PLPP1: variants seen among roughly 807,000 people sequenced by gnomAD.
The protein encoded by PLPP1 is phospholipid phosphatase 1.
In PLPP1, 24 loss-of-function variants were observed where a neutral mutation model predicts 31.2. The ratio of observed to expected loss-of-function variants is 0.77; its 90% confidence interval spans 0.56 to 1.08. The LOEUF is 1.08. Ranked by LOEUF, PLPP1 falls within the 50% of genes least tolerant of loss-of-function variation. The pLI is 0.00. For missense variants in PLPP1, 319 were observed against 342.7 expected (o/e 0.93, Z 0.55); for synonymous variants, 146 against 126.3 (o/e 1.16, Z -1.05).
At chr5:55,498,702 CAA>C (rs546216139) in intron 1 of PLPP1, among the ~76,000 whole-genome samples, 11 of 110,600 alleles carry the variant, frequency 9.9e-5, no homozygotes, top group South Asian at 2.9e-4. Context: ...CAAGAAGGGA[CAA>C]AAAAAAAAAA....
rs1740818554 is a variant in PLPP1 at position 55,534,618 on chromosome 5, C to G, written c.12G>C (p.Lys4Asn). Residue 4 changes from lysine to asparagine, a missense_variant, in exon 1 of 6, where the codon AAG becomes AAC. By Grantham distance (94) the Lys-to-Asn change is moderately conservative. Coordinates refer to ENST00000307259, the MANE Select transcript of PLPP1 (RefSeq NM_003711.4). MFDKTRLPYVALDV... is the reference protein window; with the variant it reads MFDNTRLPYVALDV... ...CGAGGGCCACGTACGGCAGCCGCGT[C>G]TTGTCAAACATGGTCTCTGCCCGGG... 1 of 1,558,428 alleles carries G rather than the reference C, an allele frequency of 6.4e-7. No individual in the cohort carries two copies. The highest frequency in any genetic ancestry group is 2.4e-5 in the East Asian group (1 of 40,840).
At chr5:55,453,652 G>C (rs76075880) in intron 3 of PLPP1, among the ~76,000 whole-genome samples, 1,704 of 152,152 alleles carry the variant, frequency 0.011, 23 homozygotes, top group African/African-American at 0.039. Context: ...TAAAATTCAA[G>C]TCTTAGGCCG....
intron 1 of PLPP1, among the ~76,000 whole-genome samples, chr5:55,497,140 C>G (rs1361103423): frequency 6.6e-6 from 1 of 152,180 alleles, no homozygotes; most frequent in Non-Finnish European, 1.5e-5. Flanking sequence ...TGTCCATCCC[C>G]TCCTTATTCA....
chr5:55,463,061 C>G (rs1440623666), intron 3 of PLPP1, among the ~76,000 whole-genome samples: 1 of 152,124 alleles, frequency 6.6e-6, no homozygotes, highest in Non-Finnish European at 1.5e-5. Context: ...TGGAAACCAT[C>G]ATTCTCAGCA....
At chr5:55,515,621 ACT>A (rs1002652045) in intron 1 of PLPP1, among the ~76,000 whole-genome samples, 8 of 151,950 alleles carry the variant, frequency 5.3e-5, no homozygotes, top group African/African-American at 1.9e-4. Flanking sequence ...CCCAATGGAC[ACT>A]CTCCAGTCTT....
chr5:55,473,095 T>C (rs1752457177), intron 2 of PLPP1, among the ~76,000 whole-genome samples: 1 of 152,216 alleles, frequency 6.6e-6, no homozygotes, highest in Non-Finnish European at 1.5e-5. Context: ...CTACTAAAAA[T>C]GTTATATTTA....
At position 55,446,377 on chromosome 5, in the gene PLPP1, ATATG is replaced by A. The variant is rs552303572; in HGVS notation, c.492-4473_492-4470del. On this transcript the variant is annotated intron_variant, in intron 3 of 5. Coordinates refer to ENST00000307259, the MANE Select transcript of PLPP1 (RefSeq NM_003711.4). ...TACACTGTAAATTTTAAATTACCAT[ATATG>A]TATCATTTACAAATCCCTTTGGTTC... Among the ~76,000 whole-genome samples, 185 of 152,318 alleles carry A rather than the reference ATATG, an allele frequency of 1.2e-3. 1 individual carries two copies. The highest frequency in any genetic ancestry group is 7.7e-3 in the Admixed American group (118 of 15,302).
chr5:55,508,661 G>A (rs539099803), intron 1 of PLPP1, among the ~76,000 whole-genome samples: 14 of 152,172 alleles, frequency 9.2e-5, no homozygotes, highest in East Asian at 5.8e-4. Flanking sequence ...TACCAGCATC[G>A]GCCACTCAGA....
At chr5:55,457,086 G>A (rs1389657091) in intron 3 of PLPP1, among the ~76,000 whole-genome samples, 1 of 151,664 alleles carries the variant, frequency 6.6e-6, no homozygotes, top group African/African-American at 2.4e-5. Flanking sequence ...CTTGAGCTTG[G>A]GAGGCAGAGG....
intron 3 of PLPP1, among the ~76,000 whole-genome samples, chr5:55,463,917 T>C (rs993463252): frequency 3.3e-5 from 5 of 151,764 alleles, no homozygotes; most frequent in Admixed American, 3.3e-4. Flanking sequence ...TCAGAATATA[T>C]AAAGAACTCT....
intron 1 of PLPP1, among the ~76,000 whole-genome samples, chr5:55,529,819 T>C (rs992809001): frequency 2.0e-5 from 3 of 152,126 alleles, no homozygotes; most frequent in African/African-American, 7.2e-5. Flanking sequence ...AATAATAAAG[T>C]AAATGGGAGG....
At chr5:55,490,628 T>A (rs1424555146) in intron 1 of PLPP1, among the ~76,000 whole-genome samples, 1 of 152,180 alleles carries the variant, frequency 6.6e-6, no homozygotes, top group African/African-American at 2.4e-5. Flanking sequence ...TGCCGTACGA[T>A]AGCTTACTGG....
intron 3 of PLPP1, among the ~76,000 whole-genome samples, chr5:55,462,845 T>C (rs368290069): frequency 4.6e-5 from 7 of 151,732 alleles, no homozygotes; most frequent in East Asian, 1.9e-4. Flanking sequence ...TGGTGGTGGG[T>C]GCCTGTAGAT....
intron 4 of PLPP1, among the ~76,000 whole-genome samples, chr5:55,435,924 G>T (rs777120663): frequency 4.0e-5 from 6 of 150,724 alleles, no homozygotes; most frequent in African/African-American, 2.4e-5. Context: ...TGAGACAGGA[G>T]AACTGCTTGA....
intron 3 of PLPP1, among the ~76,000 whole-genome samples, chr5:55,465,554 C>T (rs1175970791): frequency 6.6e-6 from 1 of 152,040 alleles, no homozygotes; most frequent in Non-Finnish European, 1.5e-5. Context: ...TGATAATAAA[C>T]AAACAAACAA....
chr5:55,519,161 A>T (rs1753612231), intron 1 of PLPP1, among the ~76,000 whole-genome samples: 1 of 152,208 alleles, frequency 6.6e-6, no homozygotes, highest in African/African-American at 2.4e-5. Context: ...GTGGGACATA[A>T]AGTAAATTTT....
intron 1 of PLPP1, among the ~76,000 whole-genome samples, chr5:55,504,852 C>A (rs1257252623): frequency 2.7e-5 from 4 of 150,676 alleles, no homozygotes; most frequent in Admixed American, 6.6e-5. Context: ...ACTCTGTCAC[C>A]CAGGCTTGAG....
At chr5:55,534,420 C>CG (rs1490172387) in intron 1 of PLPP1, 152 bp downstream of exon 1, 1 of 786,276 alleles carries the variant, frequency 1.3e-6, no homozygotes, top group African/African-American at 1.9e-5. Flanking sequence ...GGCTGCAAAG[C>CG]GGGGTCCCTC....
At chr5:55,494,967 CAAAAA>C (rs33994006) in intron 1 of PLPP1, among the ~76,000 whole-genome samples, 34 of 135,638 alleles carry the variant, frequency 2.5e-4, no homozygotes, top group Non-Finnish European at 4.6e-4. Context: ...AAAAAAAATA[CAAAAA>C]AAAAAAAAAA....
Sources: allele counts gnomAD v4.1 joint callset (sites outside exome capture counted in the v4.1 genomes callset), GRCh38; gene constraint gnomAD v4.1.1; transcripts MANE v1.5; gene names NCBI Gene and HGNC (gene_info 2026-07-23, HGNC 2026-07-21).